Variants in AQR observed in about 807,000 individuals in gnomAD.
AQR encodes the protein aquarius intron-binding spliceosomal factor.
AQR carries 61 observed loss-of-function variants against 180.5 expected under a neutral mutation model. That is an observed-to-expected ratio of 0.34 (90% confidence interval 0.28 to 0.42). The LOEUF (loss-of-function observed/expected upper bound fraction) is 0.42, where lower values mean the gene tolerates loss of function less well. AQR is among the 10% of genes least tolerant of loss of function. AQR has a pLI of 1.00. For missense variants in AQR, 1,281 were observed against 1,798.3 expected, an observed-to-expected ratio of 0.71 and a Z score of 5.20; for synonymous variants, 551 against 588.8, an observed-to-expected ratio of 0.94 and a Z score of 0.93.
At chr15:34,904,591 G>T in intron 18 of AQR, 86 bp from the exon 19 acceptor site, 1 of 1,286,948 alleles carries the variant, frequency 7.8e-7, no homozygotes, top group Non-Finnish European at 1.1e-6. Context: ...TCTAGAAATG[G>T]TGAGTAAATG....
intron 6 of AQR, chr15:34,943,018 T>A: frequency 6.6e-7 from 1 of 1,509,972 alleles, no homozygotes. Context: ...ATATTTCTAT[T>A]TGTTCTGTTT....
intron 11 of AQR, among the ~76,000 whole-genome samples, chr15:34,931,216 G>A (rs1347521397): frequency 6.6e-6 from 1 of 152,028 alleles, no homozygotes; most frequent in Non-Finnish European, 1.5e-5. Flanking sequence ...AAAGTCCTTT[G>A]GCTTAGTTTC....
At position 34,969,634 on chromosome 15, in the gene AQR, T is replaced by C. The variant is rs1432380193; in HGVS notation, c.-21A>G. On this transcript the variant is annotated 5_prime_UTR_variant, in exon 1 of 35. Coordinates refer to ENST00000156471, the MANE Select transcript of AQR (RefSeq NM_014691.3). ...GCCATGGCAGCACTCTTCCCTCCAC[T>C]CCAGTGGAAACTAAAGGACCGCTCT... 1 of 1,610,916 alleles carries C rather than the reference T, an allele frequency of 6.2e-7. No individual in the cohort carries two copies. Among genetic ancestry groups the C allele is most frequent in the East Asian group, 2.2e-5 (1 of 44,872 alleles).
chr15:34,898,166 AG>A (rs1180478787), intron 20 of AQR, among the ~76,000 whole-genome samples: 1 of 152,186 alleles, frequency 6.6e-6, no homozygotes, highest in Non-Finnish European at 1.5e-5. Context: ...GAGAAAAATA[AG>A]GCTGAAGAGA....
intron 4 of AQR, among the ~76,000 whole-genome samples, chr15:34,948,807 A>C (rs959453523): frequency 2.6e-5 from 4 of 151,910 alleles, no homozygotes; most frequent in Non-Finnish European, 4.4e-5. Context: ...AAAAAAAAAA[A>C]AAAAAACTTG....
intron 27 of AQR, among the ~76,000 whole-genome samples, chr15:34,881,239 A>G (rs1892968645): frequency 6.6e-6 from 1 of 152,238 alleles, no homozygotes; most frequent in Non-Finnish European, 1.5e-5. Context: ...GGGTAAGTTC[A>G]CACCACTGGG....
intron 22 of AQR, among the ~76,000 whole-genome samples, chr15:34,894,686 T>G (rs1893203468): frequency 6.6e-6 from 1 of 152,148 alleles, no homozygotes; most frequent in African/African-American, 2.4e-5. Context: ...AGTATTTAGA[T>G]GTAGCACATA....
At chr15:34,862,492 G>T (rs939066913) in intron 33 of AQR, among the ~76,000 whole-genome samples, 2 of 152,096 alleles carry the variant, frequency 1.3e-5, no homozygotes, top group African/African-American at 4.8e-5. Flanking sequence ...ATGAGATAAT[G>T]TATGTAAAGA....
chr15:34,964,531 C>T (rs1203133950), intron 1 of AQR: 2 of 594,184 alleles, frequency 3.4e-6, no homozygotes, highest in Non-Finnish European at 6.3e-6. Flanking sequence ...CAAACAAAAT[C>T]CTCTCCAACC....
chr15:34,948,336 AGAT>A lies in AQR; in HGVS notation c.255_257del (p.Ser87del). ...AGATTGACATTAAATAGGCCTTGCTAGATACCTCAGGAGAATAATTCATCCAGA... is the reference window on the plus strand; with the variant it reads ...AGATTGACATTAAATAGGCCTTGCTAACCTCAGGAGAATAATTCATCCAGA... On this transcript the variant is annotated inframe_deletion, in exon 5 of 35. Coordinates refer to ENST00000156471, the MANE Select transcript of AQR (RefSeq NM_014691.3). The A allele has an allele frequency of 6.2e-7, 1 of 1,613,502 alleles. No individual in the cohort carries two copies. Among genetic ancestry groups the A allele is most frequent in the Non-Finnish European group, 8.5e-7 (1 of 1,179,966 alleles).
At chr15:34,960,863 C>A in intron 2 of AQR, 49 bp from the exon 3 acceptor site, 1 of 674,220 alleles carries the variant, frequency 1.5e-6, no homozygotes, top group Non-Finnish European at 2.4e-6. Context: ...CTTTTTTCAA[C>A]CCTAAATTGA....
intron 16 of AQR, among the ~76,000 whole-genome samples, chr15:34,910,827 T>C (rs1186527819): frequency 1.3e-5 from 2 of 152,192 alleles, no homozygotes; most frequent in African/African-American, 4.8e-5. Context: ...AGATCTATCC[T>C]GTCAAGTTTC....
At chr15:34,857,281 C>T (rs142661119) in intron 34 of AQR, among the ~76,000 whole-genome samples, 175 bp from the exon 35 acceptor site, 1 of 152,308 alleles carries the variant, frequency 6.6e-6, no homozygotes, top group East Asian at 1.9e-4. Flanking sequence ...AATATGCCTA[C>T]ACAGATGTCA....
At chr15:34,946,547 G>A (rs543048650) in intron 5 of AQR, among the ~76,000 whole-genome samples, 3,378 of 140,788 alleles carry the variant, frequency 0.024, 144 homozygotes, top group African/African-American at 0.086. Flanking sequence ...TCAGCCCCCC[G>A]CCTGGCCAGC....
intron 1 of AQR, among the ~76,000 whole-genome samples, chr15:34,966,869 CTTTTTTTTTTTTTTT>C (rs148912380): frequency 3.0e-5 from 2 of 67,070 alleles, no homozygotes; most frequent in African/African-American, 1.2e-4. Context: ...CCACCCTGGC[CTTTTTTTTTTTTTTT>C]TTTTTTTTTT....
chr15:34,869,986 T>C (rs1892792391), intron 31 of AQR: 1 of 152,200 alleles, frequency 6.6e-6, no homozygotes, highest in African/African-American at 2.4e-5. Flanking sequence ...GTTCCCTTTA[T>C]ACTATTCATC....
At chr15:34,898,789 C>G (rs1457601938) in intron 20 of AQR, among the ~76,000 whole-genome samples, 1 of 151,148 alleles carries the variant, frequency 6.6e-6, no homozygotes, top group Non-Finnish European at 1.5e-5. Flanking sequence ...GAGGCTGAGG[C>G]AGGAGAATGG....
chr15:34,875,704 G>A (rs1384789658), intron 28 of AQR, among the ~76,000 whole-genome samples: 2 of 152,038 alleles, frequency 1.3e-5, no homozygotes, highest in African/African-American at 4.8e-5. Flanking sequence ...CAAAACTACA[G>A]AAATAGACTA....
At chr15:34,873,702 T>C (rs939031479) in intron 30 of AQR, 126 bp downstream of exon 30, 7 of 692,232 alleles carry the variant, frequency 1.0e-5, no homozygotes, top group Admixed American at 3.0e-5. Context: ...ATTTTTCATA[T>C]GCTATGTGTA....
Sources: allele counts gnomAD v4.1 joint callset (sites outside exome capture counted in the v4.1 genomes callset), GRCh38; gene constraint gnomAD v4.1.1; transcripts MANE v1.5; gene names NCBI Gene and HGNC (gene_info 2026-07-23, HGNC 2026-07-21).